The following TIAM1 variants were observed in gnomAD, a reference collection of about 807,000 sequenced individuals.
The protein encoded by TIAM1 is TIAM Rac1 associated GEF 1, also known as rho guanine nucleotide exchange factor TIAM1.
A neutral mutation model predicts 163.5 loss-of-function variants in TIAM1; 65 were observed. The observed-to-expected ratio is 0.40, with a 90% confidence interval of 0.33 to 0.49. The LOEUF is 0.49. Ranked by LOEUF, TIAM1 falls within the 20% of genes least tolerant of loss-of-function variation. The pLI is 0.77. For missense variants in TIAM1, 1,789 were observed against 2,044.7 expected, an observed-to-expected ratio of 0.87 and a Z score of 2.41; for synonymous variants, 833 against 810.1, an observed-to-expected ratio of 1.03 and a Z score of -0.48.
intron 15 of TIAM1, among the ~76,000 whole-genome samples, chr21:31,174,665 G>T (rs2084678141): frequency 6.6e-6 from 1 of 151,664 alleles, no homozygotes; most frequent in African/African-American, 2.4e-5. Flanking sequence ...TTCTTTTTTT[G>T]AGAGAGAGTT....
chr21:31,134,905 T>C (rs984030832), intron 23 of TIAM1, among the ~76,000 whole-genome samples: 4 of 152,170 alleles, frequency 2.6e-5, no homozygotes, highest in African/African-American at 9.7e-5. Flanking sequence ...GGCTAAGTCA[T>C]TGAAATACAA....
chr21:31,538,087 C>T (rs911613625), intron 1 of TIAM1, among the ~76,000 whole-genome samples: 2 of 152,080 alleles, frequency 1.3e-5, no homozygotes, highest in African/African-American at 4.8e-5. Context: ...CTGAAGGGGG[C>T]GCAACAGGAA....
rs184686273 is a variant in TIAM1, at chr21:31,538,824, T to C, written c.-422+20103A>G. ...GAAAACGTTTTTATGCATTTCTCGC[T>C]GAAACAAAAGACCAAAAATGGACTT... On this transcript the variant is annotated intron_variant, in intron 1 of 28. Transcript: ENST00000286827. Among the ~76,000 whole-genome samples the C allele has an allele frequency of 1.0e-3, 155 of 152,308 alleles. 3 individuals carry two copies. Among genetic ancestry groups the C allele is most frequent in the Non-Finnish European group, 2.4e-4 (16 of 68,026 alleles).
chr21:31,428,959 T>C (rs530780132), intron 2 of TIAM1, among the ~76,000 whole-genome samples: 6 of 152,128 alleles, frequency 3.9e-5, no homozygotes, highest in Non-Finnish European at 8.8e-5. Flanking sequence ...ACATGCTTCA[T>C]ATCCTACTCT....
chr21:31,480,070 A>G (rs1262000756), intron 1 of TIAM1, among the ~76,000 whole-genome samples: 1 of 152,230 alleles, frequency 6.6e-6, no homozygotes, highest in Admixed American at 6.5e-5. Flanking sequence ...TTAACGCCCA[A>G]CACAAAGACA....
intron 2 of TIAM1, among the ~76,000 whole-genome samples, chr21:31,351,201 T>C (rs1174531250): frequency 6.6e-6 from 1 of 152,168 alleles, no homozygotes; most frequent in East Asian, 1.9e-4. Flanking sequence ...GACCTCTATA[T>C]GTAAGAGAAG....
At chr21:31,499,939 G>A (rs754019057) in intron 1 of TIAM1, among the ~76,000 whole-genome samples, 5 of 151,718 alleles carry the variant, frequency 3.3e-5, no homozygotes, top group Non-Finnish European at 5.9e-5. Context: ...AGGTCAAGGC[G>A]GCAAATCCCC....
chr21:31,225,887 C>T lies in TIAM1; in HGVS notation c.1648G>A (p.Val550Ile), dbSNP rs754385987. 6.2e-6 allele frequency: 10 copies of T among 1,614,172 alleles called. No homozygotes were observed. In the South Asian group the frequency reaches 9.9e-5, roughly 16 times the overall value. ...TCTTCCTTGTGGTGGTGCCTCGCGA[C>T]CGCAGTGGCGCAGGCAGAGTGGATG... is the stretch of plus-strand genomic sequence containing the variant. ...TAIHSACATA[V>I]ARHHHKEDTL... Residue 550 changes from valine to isoleucine, a missense_variant, in exon 7 of 28, where the codon GTC becomes ATC. This residue lies in a region of TIAM1 where 456 missense variants were observed against 586.6 expected (regional missense o/e 0.78). Transcript: ENST00000541036.
rs2048134832 is a variant in TIAM1 at position 31,536,384 on chromosome 21, C to T, written c.-422+22543G>A. On this transcript the variant is annotated intron_variant, in intron 1 of 28. Coordinates refer to the TIAM1 transcript ENST00000286827. ...ACACCATGGCACCTGCCCATGCAAG[C>T]GCATGCTGTGCTTGTGAACTGCAAG... Among the ~76,000 whole-genome samples, 8 of 152,182 alleles carry T rather than the reference C, an allele frequency of 5.3e-5. No individual in the cohort carries two copies. In the South Asian group the frequency reaches 1.2e-3, roughly 24 times the overall value.
At position 31,499,714 on chromosome 21, in the gene TIAM1, G is replaced by A. The variant is rs369645496; in HGVS notation, c.-421-35679C>T. On this transcript the variant is annotated intron_variant, in intron 1 of 28. Transcript: ENST00000286827. ...AAAATACAAAAATTAGCCAGGTGTGGTGGTGTGCCCCTGTAATCCCACCTA... is the reference window on the plus strand; with the variant it reads ...AAAATACAAAAATTAGCCAGGTGTGATGGTGTGCCCCTGTAATCCCACCTA... Among the ~76,000 whole-genome samples the A allele has an allele frequency of 1.7e-4, 26 of 152,176 alleles. No homozygotes were observed. In the East Asian group the frequency reaches 2.7e-3, roughly 16 times the overall value.
At chr21:31,157,725 A>C (rs1340412005) in intron 16 of TIAM1, among the ~76,000 whole-genome samples, 2 of 152,134 alleles carry the variant, frequency 1.3e-5, no homozygotes, top group African/African-American at 2.4e-5. Flanking sequence ...AAAACCCACG[A>C]AGACCTGGAT....
chr21:31,121,692 T>A (rs575861512), intron 27 of TIAM1, among the ~76,000 whole-genome samples: 2 of 152,270 alleles, frequency 1.3e-5, no homozygotes, highest in South Asian at 4.1e-4. Context: ...TCCAAGCAGT[T>A]TGATCAACAA....
intron 1 of TIAM1, among the ~76,000 whole-genome samples, chr21:31,545,666 T>C (rs2048463198): frequency 6.6e-6 from 1 of 152,174 alleles, no homozygotes; most frequent in Admixed American, 6.5e-5. Flanking sequence ...CTGAGGGTCT[T>C]GGTTCAATCC....
chr21:31,336,565 T>A (rs189945272), intron 2 of TIAM1, among the ~76,000 whole-genome samples: 1 of 151,478 alleles, frequency 6.6e-6, no homozygotes. Flanking sequence ...GGAAGCAACG[T>A]TGACATTTCT....
At chr21:31,144,674 C>G (rs2083020270) in intron 20 of TIAM1, among the ~76,000 whole-genome samples, 1 of 151,394 alleles carries the variant, frequency 6.6e-6, no homozygotes, top group Non-Finnish European at 1.5e-5. Context: ...ACTAAAAATA[C>G]AAAAATTAGC....
At chr21:31,491,284 C>T (rs2833428) in intron 1 of TIAM1, among the ~76,000 whole-genome samples, 48,555 of 152,044 alleles carry the variant, frequency 0.32, 8,477 homozygotes, top group East Asian at 0.71. Context: ...CTTGGAACCA[C>T]CATGTGAGAT....
At chr21:31,481,794 C>G (rs898798508) in intron 1 of TIAM1, among the ~76,000 whole-genome samples, 1 of 152,124 alleles carries the variant, frequency 6.6e-6, no homozygotes, top group Non-Finnish European at 1.5e-5. Context: ...CAGAAGCTCT[C>G]TGAATTCTGT....
chr21:31,225,703 C>T lies in TIAM1; in HGVS notation c.1809+23G>A, dbSNP rs756640850. 77 of 1,595,310 alleles carry T rather than the reference C, an allele frequency of 4.8e-5. No individual in the cohort carries two copies. The Admixed American group carries it at 1.3e-3, about 26-fold the overall frequency. On this transcript the variant is annotated intron_variant, in intron 7 of 27. Transcript: ENST00000541036. ...TAGAGACCTAACAATTTTGTCCGGA[C>T]CTAAACACGGAAGAACGATTACCTG... is the stretch of plus-strand genomic sequence containing the variant.
Position 31,370,122 on chromosome 21 carries a change from T to TA in TIAM1, c.-368-30701dup, listed in dbSNP as rs566678643. 5.2e-4 allele frequency among the ~76,000 whole-genome samples: 79 copies of TA among 152,316 alleles called. 2 individuals are homozygous for TA. In the East Asian group the frequency reaches 0.014, roughly 28 times the overall value. On this transcript the variant is annotated intron_variant, in intron 2 of 28. Coordinates refer to the TIAM1 transcript ENST00000286827. The stretch of plus-strand genomic sequence containing the variant: ...ATCTGCCTTGGTTTTGGACTTCCAA[T>TA]ACCCAAGAACCATGAGAAATAAATT...
Sources: allele counts gnomAD v4.1 joint callset (sites outside exome capture counted in the v4.1 genomes callset), GRCh38; gene constraint gnomAD v4.1.1; regional missense constraint gnomAD v4.1.1; transcripts MANE v1.5; gene names NCBI Gene and HGNC (gene_info 2026-07-23, HGNC 2026-07-21).